The following ATP8A2 variants were observed in gnomAD, a reference collection of about 807,000 sequenced individuals.
The protein encoded by ATP8A2 is ATPase phospholipid transporting 8A2.
ATP8A2 carries 100 observed loss-of-function variants against 165.6 expected under a neutral mutation model. That is an observed-to-expected ratio of 0.60 (90% CI 0.51 to 0.71). The LOEUF is 0.71. ATP8A2 is among the 30% of genes least tolerant of loss of function. ATP8A2 has a pLI of 0.00. For missense variants in ATP8A2, 1,227 were observed against 1,479.5 expected, an observed-to-expected ratio of 0.83 and a Z score of 2.80; for synonymous variants, 543 against 548.8, an observed-to-expected ratio of 0.99 and a Z score of 0.15.
intron 1 of ATP8A2, among the ~76,000 whole-genome samples, chr13:25,415,348 A>G (rs1248278632): frequency 1.3e-5 from 2 of 152,148 alleles, no homozygotes; most frequent in Non-Finnish European, 2.9e-5. Context: ...ACAGGTCCCC[A>G]GTAGAACCAC....
At chr13:25,408,391 CAA>C (rs34751522) in intron 1 of ATP8A2, among the ~76,000 whole-genome samples, 2 of 146,116 alleles carry the variant, frequency 1.4e-5, no homozygotes, top group African/African-American at 2.5e-5. Context: ...GACTCCGTCT[CAA>C]AAAAAAAAAA....
intron 27 of ATP8A2, among the ~76,000 whole-genome samples, chr13:25,820,924 T>A (rs1951163903): frequency 6.6e-6 from 1 of 152,050 alleles, no homozygotes; most frequent in African/African-American, 2.4e-5. Flanking sequence ...TTTTTGTTTG[T>A]TTTGTTTATG....
chr13:25,713,268 T>A (rs907442821), intron 25 of ATP8A2, among the ~76,000 whole-genome samples: 1 of 152,230 alleles, frequency 6.6e-6, no homozygotes, highest in African/African-American at 2.4e-5. Flanking sequence ...GTAACAAATG[T>A]CATCGTTCCC....
At position 26,007,921 on chromosome 13, in the gene ATP8A2, A is replaced by G. The variant is rs538311577; in HGVS notation, c.3378-4610A>G. Among the ~76,000 whole-genome samples the G allele has an allele frequency of 1.8e-4, 28 of 152,302 alleles. No individual in the cohort carries two copies. In the South Asian group the frequency reaches 5.6e-3, roughly 30 times the overall value. On this transcript the variant is annotated intron_variant, in intron 35 of 36. Coordinates refer to ENST00000381655, the MANE Select transcript of ATP8A2 (RefSeq NM_016529.6). The stretch of plus-strand genomic sequence containing the variant: ...CATTTTAGTGAAACAGAAACTAGAA[A>G]AATTTTTCTCCTTAGATTGACAGAG...
At chr13:25,925,311 G>A (rs1170987321) in intron 33 of ATP8A2, among the ~76,000 whole-genome samples, 1 of 152,136 alleles carries the variant, frequency 6.6e-6, no homozygotes, top group African/African-American at 2.4e-5. Flanking sequence ...AAGGCAGGCA[G>A]ACCACAAGGT....
intron 33 of ATP8A2, among the ~76,000 whole-genome samples, chr13:25,907,068 A>G (rs900142319): frequency 6.6e-6 from 1 of 152,210 alleles, no homozygotes; most frequent in African/African-American, 2.4e-5. Flanking sequence ...CGTCTCTACC[A>G]AAAATGCAAA....
intron 35 of ATP8A2, among the ~76,000 whole-genome samples, chr13:25,989,116 A>C (rs1378919612): frequency 6.6e-6 from 1 of 152,168 alleles, no homozygotes; most frequent in Non-Finnish European, 1.5e-5. Flanking sequence ...TCTTTCTTTA[A>C]TTACTTCAAC....
At chr13:25,672,796 C>T (rs2042295086) in intron 24 of ATP8A2, among the ~76,000 whole-genome samples, 1 of 152,048 alleles carries the variant, frequency 6.6e-6, no homozygotes, top group South Asian at 2.1e-4. Flanking sequence ...ATCTAATTTC[C>T]CTTGCATGTG....
At chr13:25,751,533 T>C (rs1428200007) in intron 25 of ATP8A2, among the ~76,000 whole-genome samples, 1 of 152,132 alleles carries the variant, frequency 6.6e-6, no homozygotes, top group Non-Finnish European at 1.5e-5. Context: ...AACTCCTGGA[T>C]TCAAGCGATC....
chr13:25,417,098 T>C (rs766117054), intron 1 of ATP8A2, among the ~76,000 whole-genome samples: 10 of 152,150 alleles, frequency 6.6e-5, no homozygotes, highest in Non-Finnish European at 8.8e-5. Flanking sequence ...TTATGAAGTA[T>C]TGAGGTATTG....
intron 16 of ATP8A2, among the ~76,000 whole-genome samples, chr13:25,565,951 T>A (rs972162192): frequency 1.3e-5 from 2 of 151,996 alleles, no homozygotes; most frequent in Admixed American, 6.6e-5. Flanking sequence ...GTAATATGAT[T>A]AATTTTTTTT....
intron 24 of ATP8A2, among the ~76,000 whole-genome samples, chr13:25,597,431 C>CTT (rs2040265441): frequency 6.6e-6 from 1 of 152,204 alleles, no homozygotes; most frequent in African/African-American, 2.4e-5. Context: ...GAGTGAGAGA[C>CTT]TTTTCTCCAT....
At chr13:25,625,124 GT>G in intron 24 of ATP8A2, among the ~76,000 whole-genome samples, 1 of 152,304 alleles carries the variant, frequency 6.6e-6, no homozygotes, top group East Asian at 1.9e-4. Context: ...TGAGAGATTA[GT>G]TGTGGATCTG....
intron 24 of ATP8A2, among the ~76,000 whole-genome samples, chr13:25,639,721 G>A (rs530249261): frequency 4.6e-5 from 7 of 151,190 alleles, no homozygotes; most frequent in Non-Finnish European, 8.8e-5. Context: ...AAGGATATCC[G>A]GGAATTGAAC....
At chr13:25,659,185 A>C (rs2041997922) in intron 24 of ATP8A2, among the ~76,000 whole-genome samples, 1 of 152,148 alleles carries the variant, frequency 6.6e-6, no homozygotes, top group Non-Finnish European at 1.5e-5. Context: ...CGGTCGTTTG[A>C]TTCGAGTTAC....
intron 2 of ATP8A2, among the ~76,000 whole-genome samples, chr13:25,478,098 T>C (rs1386941834): frequency 6.6e-6 from 1 of 152,124 alleles, no homozygotes; most frequent in East Asian, 1.9e-4. Flanking sequence ...GAAGGGAGGA[T>C]GGTCAGAAGA....
In ATP8A2 at chr13:25,530,601, C is replaced by T. The variant is rs1226803765; in HGVS notation, c.361C>T (p.Leu121=). The change falls in exon 4 of 37, where the codon CTG becomes TTG. Residue 121 remains leucine (L), a synonymous_variant. Transcript: ENST00000381655. ...DVSPTGRYTT[L]VPLIIILTIA... The stretch of plus-strand genomic sequence containing the variant: ...ATCTCCAACAGGAAGATATACCACC[C>T]TGGTGCCATTGATCATTATTTTAAC... The T allele has an allele frequency of 1.3e-6, 2 of 1,593,516 alleles. No homozygotes were observed. The highest frequency in any genetic ancestry group is 3.4e-5 in the Admixed American group (2 of 58,306).
chr13:25,528,955 T>G (rs1443302694), intron 2 of ATP8A2, among the ~76,000 whole-genome samples: 3 of 152,102 alleles, frequency 2.0e-5, no homozygotes, highest in Non-Finnish European at 4.4e-5. Flanking sequence ...TAGGTGTATC[T>G]CCTAATGCTA....
chr13:25,518,786 A>G (rs768934098), intron 2 of ATP8A2, among the ~76,000 whole-genome samples: 13 of 151,992 alleles, frequency 8.6e-5, no homozygotes, highest in Non-Finnish European at 1.5e-4. Flanking sequence ...GCCAGACCCT[A>G]TTTTCTAATG....
Sources: allele counts gnomAD v4.1 joint callset (sites outside exome capture counted in the v4.1 genomes callset), GRCh38; gene constraint gnomAD v4.1.1; transcripts MANE v1.5; gene names NCBI Gene and HGNC (gene_info 2026-07-23, HGNC 2026-07-21).